The following CWF19L2 variants were observed in gnomAD, a reference collection of about 807,000 sequenced individuals.
CWF19L2 encodes the protein CWF19 like cell cycle control factor 2.
A neutral mutation model predicts 111.7 loss-of-function variants in CWF19L2; 98 were observed. That is an observed-to-expected ratio of 0.88 (90% CI 0.75 to 1.04). The LOEUF (loss-of-function observed/expected upper bound fraction) is 1.04. Ranked by LOEUF, CWF19L2 falls within the 50% of genes least tolerant of loss-of-function variation. CWF19L2 has a pLI of 0.00. For synonymous variants in CWF19L2, 351 were observed against 342.9 expected (o/e 1.02, Z -0.26); for missense variants, 1,101 against 1,051.4 (o/e 1.05, Z -0.65).
intron 3 of CWF19L2, among the ~76,000 whole-genome samples, chr11:107,453,519 G>C (rs1213954552): frequency 4.0e-4 from 61 of 151,864 alleles, no homozygotes; most frequent in Admixed American, 4.0e-3. Context: ...CTTAGGCCCT[G>C]AATAACCAGC....
Position 107,455,708 on chromosome 11 carries a change from C to T in CWF19L2, c.174G>A (p.Trp58Ter). 2 of 1,551,268 alleles carry T rather than the reference C, an allele frequency of 1.3e-6. No individual in the cohort carries two copies. Among genetic ancestry groups the T allele is most frequent in the Non-Finnish European group, 1.7e-6 (2 of 1,146,700 alleles). The change falls in exon 2 of 18, where the codon TGG becomes TGA. Residue 58 changes from tryptophan to a stop codon, truncating the protein, a stop_gained. Coordinates refer to ENST00000282251, the MANE Select transcript of CWF19L2 (RefSeq NM_152434.3). LOFTEE classifies it high-confidence loss of function. ...TTCTCTCATTCACATCAGGTAGCAT[C>T]CATGTATCCTCACCCCGAAGTCGCT... ...ELKRLRGEDT[W>*]MLPDVNERIE...
chr11:107,393,420 T>C (rs1434624150), intron 10 of CWF19L2, among the ~76,000 whole-genome samples: 2 of 152,192 alleles, frequency 1.3e-5, no homozygotes, highest in African/African-American at 4.8e-5. Context: ...ATATTTTTCT[T>C]ACAAACTTTT....
At chr11:107,434,435 T>TA (rs66561242) in intron 6 of CWF19L2, among the ~76,000 whole-genome samples, 27,167 of 152,026 alleles carry the variant, frequency 0.18, 2,601 homozygotes, top group Middle Eastern at 0.27. Flanking sequence ...ATCAATTACT[T>TA]AATAAAAATT....
In CWF19L2 at chr11:107,326,858, G is replaced by GA. The variant is rs1292693417; in HGVS notation, c.*51dup. Reference sequence around the variant, plus strand: ...GTCAGTTGCTTCATTAGATGCAATGGAAATAAAACTGAACGGGATCTGAAG... The same window carrying GA: ...GTCAGTTGCTTCATTAGATGCAATGGAAAATAAAACTGAACGGGATCTGAAG... On this transcript the variant is annotated 3_prime_UTR_variant, in exon 18 of 18. Transcript: ENST00000282251. The GA allele has an allele frequency of 6.8e-7, 1 of 1,480,080 alleles. No individual in the cohort carries two copies. Among genetic ancestry groups the GA allele is most frequent in the East Asian group, 2.4e-5 (1 of 41,646 alleles). The allele number at this position is 1,480,080 out of a possible 1,614,324, so 91.7% of individuals were successfully genotyped here.
chr11:107,451,606 G>C (rs867514867), intron 3 of CWF19L2, among the ~76,000 whole-genome samples: 1 of 152,016 alleles, frequency 6.6e-6, no homozygotes, highest in Non-Finnish European at 1.5e-5. Flanking sequence ...TGAAAGAGGG[G>C]TATCACTATG....
intron 12 of CWF19L2, among the ~76,000 whole-genome samples, chr11:107,387,457 C>CAAA (rs200491333): frequency 8.6e-5 from 5 of 58,090 alleles, no homozygotes; most frequent in African/African-American, 3.9e-4. Context: ...CAAAACAAAA[C>CAAA]AAAACAAAAC....
Position 107,372,555 on chromosome 11 carries a change from G to C in CWF19L2, c.1872+17519C>G, listed in dbSNP as rs1374277257. Among the ~76,000 whole-genome samples, 4 of 136,814 alleles carry C rather than the reference G, an allele frequency of 2.9e-5. 1 individual carries two copies. Among genetic ancestry groups the C allele is most frequent in the Non-Finnish European group, 6.2e-5 (4 of 64,044 alleles). The allele number at this position is 136,814 out of a possible 152,430, so 89.8% of individuals were successfully genotyped here. A position where few individuals can be genotyped will look rare whatever the true frequency, so the allele number is the denominator to read the frequency against. On this transcript the variant is annotated intron_variant, in intron 12 of 17. Coordinates refer to ENST00000282251, the MANE Select transcript of CWF19L2 (RefSeq NM_152434.3). ...GTCTTGTTAGGCCACATTTAAAAAT[G>C]TGGTCTTTAGCCTAACAGCAACAAA...
intron 10 of CWF19L2, among the ~76,000 whole-genome samples, chr11:107,414,004 T>C (rs947738591): frequency 1.1e-4 from 16 of 152,116 alleles, no homozygotes; most frequent in Non-Finnish European, 2.2e-4. Context: ...ACAAGTACTT[T>C]TGTGGGTTTA....
At chr11:107,453,029 A>C (rs1050850035) in intron 3 of CWF19L2, among the ~76,000 whole-genome samples, 1 of 152,144 alleles carries the variant, frequency 6.6e-6, no homozygotes, top group Non-Finnish European at 1.5e-5. Context: ...CATAGGAGAA[A>C]TCACAATCTT....
chr11:107,431,019 A>T (rs1426557988), intron 7 of CWF19L2, among the ~76,000 whole-genome samples: 1 of 151,212 alleles, frequency 6.6e-6, no homozygotes, highest in Non-Finnish European at 1.5e-5. Context: ...AAATAAAATT[A>T]AAAAAAAACA....
chr11:107,370,552 A>AG (rs1860492808), intron 12 of CWF19L2, among the ~76,000 whole-genome samples: 1 of 135,074 alleles, frequency 7.4e-6, no homozygotes, highest in Non-Finnish European at 1.6e-5. Context: ...TTCAAGGGAA[A>AG]AAAAAAAAAC....
chr11:107,380,679 T>C (rs1220612337), intron 12 of CWF19L2, among the ~76,000 whole-genome samples: 6 of 152,264 alleles, frequency 3.9e-5, no homozygotes, highest in Middle Eastern at 3.4e-3. Context: ...CCTCAAAAAG[T>C]CAAACATAGG....
chr11:107,456,084 G>A (rs1861850437), intron 1 of CWF19L2, among the ~76,000 whole-genome samples: 2 of 152,156 alleles, frequency 1.3e-5, no homozygotes, highest in Admixed American at 1.3e-4. Flanking sequence ...ATATGACTTG[G>A]AATCCCTTTT....
intron 10 of CWF19L2, among the ~76,000 whole-genome samples, chr11:107,396,131 G>A (rs533248134): frequency 1.3e-5 from 2 of 152,200 alleles, no homozygotes; most frequent in East Asian, 1.9e-4. Flanking sequence ...ATTAAAATAC[G>A]AGACAGAAAT....
chr11:107,450,204 G>C (rs1254993682), intron 3 of CWF19L2, among the ~76,000 whole-genome samples: 1 of 151,930 alleles, frequency 6.6e-6, no homozygotes, highest in Non-Finnish European at 1.5e-5. Flanking sequence ...AAGACTTTGA[G>C]ACCAGGCTGG....
At chr11:107,435,565 G>A (rs1466757685) in intron 6 of CWF19L2, among the ~76,000 whole-genome samples, 1 of 151,898 alleles carries the variant, frequency 6.6e-6, no homozygotes, top group East Asian at 1.9e-4. Context: ...GAAATCCAAT[G>A]GGAGTAAAAA....
Position 107,360,918 on chromosome 11 carries a change from G to A in CWF19L2, c.1873-7182C>T, listed in dbSNP as rs373983128. Among the ~76,000 whole-genome samples, 20 of 152,136 alleles carry A rather than the reference G, an allele frequency of 1.3e-4. 1 individual carries two copies. The highest frequency in any genetic ancestry group is 2.6e-4 in the African/African-American group (11 of 41,512). ...ATGCATATTTTGCAAATATTTTCTC[G>A]CACTGTGCAGGCTATCTGTTCATAA... On this transcript the variant is annotated intron_variant, in intron 12 of 17. Transcript: ENST00000282251.
At chr11:107,351,925 C>T (rs112628965) in intron 13 of CWF19L2, among the ~76,000 whole-genome samples, 5 of 152,202 alleles carry the variant, frequency 3.3e-5, no homozygotes, top group Non-Finnish European at 7.3e-5. Flanking sequence ...TAAATGCTGT[C>T]TTAAGCCACT....
chr11:107,355,038 T>C (rs1010648166), intron 12 of CWF19L2, among the ~76,000 whole-genome samples: 9 of 152,194 alleles, frequency 5.9e-5, no homozygotes, highest in Middle Eastern at 3.4e-3. Flanking sequence ...TTACACTGCA[T>C]TCTACTAAGT....
Sources: gnomAD v4.1 joint callset for allele counts (sites outside exome capture counted in the v4.1 genomes callset) on GRCh38, gnomAD v4.1.1 for gene constraint, MANE v1.5 for transcripts, NCBI Gene and HGNC (gene_info 2026-07-23, HGNC 2026-07-21) for gene names.